IL34: variants seen among roughly 807,000 people sequenced by gnomAD.
IL34 encodes the protein interleukin 34.
In IL34, 17 loss-of-function variants were observed where a neutral mutation model predicts 25.3. That is an observed-to-expected ratio of 0.67 (90% CI 0.46 to 1.01). IL34 has a LOEUF of 1.01. Ranked by LOEUF, IL34 falls within the 50% of genes least tolerant of loss-of-function variation. The probability of loss-of-function intolerance (pLI) is 0.00; values close to 1 mark genes in which losing one functional copy is unlikely to be tolerated. For synonymous variants in IL34, 174 were observed against 140.9 expected (o/e 1.23, Z -1.66); for missense variants, 368 against 312.9 (o/e 1.18, Z -1.33).
At chr16:70,648,034 C>T (rs887497271) in intron 1 of IL34, among the ~76,000 whole-genome samples, 1 of 152,164 alleles carries the variant, frequency 6.6e-6, no homozygotes, top group Non-Finnish European at 1.5e-5. Context: ...TGAGGCCAGG[C>T]TGGGAGCTGG....
At position 70,660,080 on chromosome 16, in the gene IL34, G is replaced by A. The variant is rs1215137212; in HGVS notation, c.622G>A (p.Ala208Thr). The A allele has an allele frequency of 6.2e-7, 1 of 1,613,686 alleles. No homozygotes were observed. ...SCSPEPSLQYAATQLYPPPPW... is the reference protein window; with the variant it reads ...SCSPEPSLQYTATQLYPPPPW... ...CAGCCCAGAGCCCTCATTGCAGTAT[G>A]CGGCCACCCAGCTGTACCCTCCGCC... is the stretch of plus-strand genomic sequence containing the variant. Residue 208 changes from alanine to threonine, a missense_variant, in exon 6 of 6, where the codon GCG (alanine) becomes ACG (threonine). Physicochemically the swap from Ala to Thr is moderately conservative, Grantham distance 58 (BLOSUM62 0). Transcript: ENST00000288098.
chr16:70,626,780 G>C lies in IL34; in HGVS notation c.-400-19768G>C, dbSNP rs147919125. Among the ~76,000 whole-genome samples the C allele has an allele frequency of 2.4e-3, 371 of 152,224 alleles. 3 individuals carry two copies. The East Asian group carries it at 0.033, about 14-fold the overall frequency. Reference sequence around the variant, plus strand: ...TGGAATTTATCCTGATGTGTGCTTTGAGGAGTAGGTCTAATTTTATTTTTT... The same window carrying C: ...TGGAATTTATCCTGATGTGTGCTTTCAGGAGTAGGTCTAATTTTATTTTTT... On this transcript the variant is annotated intron_variant, in intron 1 of 6. Transcript: ENST00000429149.
chr16:70,627,979 GAT>G (rs942073211), intron 1 of IL34, among the ~76,000 whole-genome samples: 4 of 152,148 alleles, frequency 2.6e-5, no homozygotes, highest in Non-Finnish European at 5.9e-5. Flanking sequence ...TAAGCTGTGG[GAT>G]ATGCACACGT....
chr16:70,649,082 G>C (rs539159756), intron 1 of IL34, among the ~76,000 whole-genome samples: 1 of 152,262 alleles, frequency 6.6e-6, no homozygotes, highest in Non-Finnish European at 1.5e-5. Flanking sequence ...AATAATGCCT[G>C]TAAGTGGCAC....
chr16:70,629,756 A>T (rs1387203633), intron 1 of IL34, among the ~76,000 whole-genome samples: 1 of 151,476 alleles, frequency 6.6e-6, no homozygotes, highest in Non-Finnish European at 1.5e-5. Flanking sequence ...ATATATATTT[A>T]TGGGGTACAT....
chr16:70,659,467 T>TG, intron 4 of IL34, 151 bp from the exon 5 acceptor site: 1 of 968,524 alleles, frequency 1.0e-6, no homozygotes, highest in Non-Finnish European at 1.5e-6. Flanking sequence ...AGGAAGAAGA[T>TG]GGTGAGAAAT....
rs118158874 is a variant in IL34, at chr16:70,595,446, G to A, written c.-401+15397G>A. Among the ~76,000 whole-genome samples the A allele has an allele frequency of 2.0e-4, 30 of 152,056 alleles. No individual in the cohort carries two copies. In the East Asian group the frequency reaches 2.1e-3, roughly 11 times the overall value. On this transcript the variant is annotated intron_variant, in intron 1 of 6. Coordinates refer to the IL34 transcript ENST00000429149. Reference sequence around the variant, plus strand: ...ATTAATCCTCCTGCCTCAGCCTCTCGTGTAGCTGGACCACAGGTGTGCACC... The same window carrying A: ...ATTAATCCTCCTGCCTCAGCCTCTCATGTAGCTGGACCACAGGTGTGCACC...
chr16:70,609,576 G>C (rs2051060982), intron 1 of IL34, among the ~76,000 whole-genome samples: 1 of 152,172 alleles, frequency 6.6e-6, no homozygotes, highest in Non-Finnish European at 1.5e-5. Flanking sequence ...GCATGGCACA[G>C]CGCCTGGCAC....
intron 1 of IL34, among the ~76,000 whole-genome samples, chr16:70,623,355 G>C (rs2051320742): frequency 6.6e-6 from 1 of 152,058 alleles, no homozygotes; most frequent in Non-Finnish European, 1.5e-5. Context: ...CCATAGGGTG[G>C]ATAGGCAAAA....
intron 1 of IL34, among the ~76,000 whole-genome samples, chr16:70,622,259 G>A (rs531712344): frequency 6.6e-6 from 1 of 152,150 alleles, no homozygotes; most frequent in African/African-American, 2.4e-5. Context: ...TGTCTATTTA[G>A]ACTAAAAGTT....
Position 70,656,642 on chromosome 16 carries a change from A to AC in IL34, c.204dup (p.Glu69ArgfsTer35). The AC allele has an allele frequency of 3.4e-6, 5 of 1,471,764 alleles. No homozygotes were observed. Among genetic ancestry groups the AC allele is most frequent in the South Asian group, 1.1e-5 (1 of 88,202 alleles). 91.2% of individuals were successfully genotyped at this position (1,471,764 alleles called of 1,614,324 possible). A position where few individuals can be genotyped will look rare whatever the true frequency, so the allele number is the denominator to read the frequency against. On this transcript the variant is annotated frameshift_variant, in exon 3 of 6. Transcript: ENST00000288098. LOFTEE classifies it high-confidence loss of function. ...ATCAACTACAAGATCAGTGTGCCTT[A>AC]CGAGGGGGTGTTCAGAATCGCCAAC...
At chr16:70,656,861 G>A (rs527470598) in intron 3 of IL34, 99 bp from the exon 4 acceptor site, 28 of 1,349,590 alleles carry the variant, frequency 2.1e-5, no homozygotes, top group African/African-American at 1.0e-4. Context: ...CGGACGGCCC[G>A]CGTCTGCTCC....
chr16:70,641,531 C>CCCTCCCTT (rs2151862876), intron 1 of IL34, among the ~76,000 whole-genome samples: 1 of 143,988 alleles, frequency 6.9e-6, no homozygotes, highest in South Asian at 2.3e-4. Context: ...CTTCCTCCCT[C>CCCTCCCTT]CCTCCCTTCC....
intron 1 of IL34, among the ~76,000 whole-genome samples, chr16:70,618,747 C>T (rs572035037): frequency 6.6e-6 from 1 of 152,050 alleles, no homozygotes; most frequent in South Asian, 2.1e-4. Context: ...AGGGAGATCA[C>T]GTGTGTTTTT....
chr16:70,627,281 T>A (rs1364578382), intron 1 of IL34, among the ~76,000 whole-genome samples: 2 of 152,104 alleles, frequency 1.3e-5, no homozygotes, highest in African/African-American at 4.8e-5. Context: ...AACACACATA[T>A]AGCAAAGTAA....
intron 1 of IL34, among the ~76,000 whole-genome samples, chr16:70,624,656 C>G (rs767938657): frequency 5.9e-5 from 9 of 152,092 alleles, no homozygotes; most frequent in Non-Finnish European, 8.8e-5. Flanking sequence ...TTCACCTTGA[C>G]TATGCCTTTA....
intron 1 of IL34, among the ~76,000 whole-genome samples, chr16:70,636,200 A>G (rs1421475052): frequency 6.6e-6 from 1 of 151,764 alleles, no homozygotes; most frequent in Non-Finnish European, 1.5e-5. Context: ...CACCACGCCC[A>G]GCTAATTTTT....
intron 1 of IL34, among the ~76,000 whole-genome samples, chr16:70,652,021 G>A (rs763751787): frequency 9.9e-5 from 15 of 152,010 alleles, no homozygotes; most frequent in African/African-American, 1.4e-4. Flanking sequence ...CCAGCTACTC[G>A]GGAGGCTGAG....
chr16:70,620,067 A>G (rs988519294), intron 1 of IL34, among the ~76,000 whole-genome samples: 2 of 152,200 alleles, frequency 1.3e-5, no homozygotes, highest in African/African-American at 4.8e-5. Context: ...CTATTATTGT[A>G]CACCTTGAAG....
Sources: allele counts gnomAD v4.1 joint callset (sites outside exome capture counted in the v4.1 genomes callset), GRCh38; gene constraint gnomAD v4.1.1; transcripts MANE v1.5; gene names NCBI Gene and HGNC (gene_info 2026-07-23, HGNC 2026-07-21).